The following CDH13 variants were observed in gnomAD, a reference collection of about 807,000 sequenced individuals.
CDH13 encodes the protein cadherin 13, also known as cadherin-13.
In CDH13, 24 loss-of-function variants were observed where a neutral mutation model predicts 63.8. The ratio of observed to expected loss-of-function variants is 0.38; its 90% confidence interval spans 0.27 to 0.53. The LOEUF (loss-of-function observed/expected upper bound fraction) is 0.53. CDH13 is among the 20% of genes least tolerant of loss of function. The pLI, the probability that CDH13 is intolerant of heterozygous loss-of-function variation, is 0.85. For missense variants in CDH13, 1,049 were observed against 903.1 expected (o/e 1.16, Z -2.07); for synonymous variants, 503 against 355.3 (o/e 1.42, Z -4.67).
intron 6 of CDH13, among the ~76,000 whole-genome samples, chr16:83,440,866 C>T (rs720202): frequency 0.45 from 67,658 of 150,918 alleles, 15,391 homozygotes; most frequent in South Asian, 0.58. Flanking sequence ...CTTAATTGTC[C>T]ACTTGGAGTG....
At chr16:83,532,402 C>T (rs948999684) in intron 7 of CDH13, among the ~76,000 whole-genome samples, 1 of 152,188 alleles carries the variant, frequency 6.6e-6, no homozygotes, top group Non-Finnish European at 1.5e-5. Flanking sequence ...GTTTAATGCC[C>T]AGCACCTGGA....
chr16:83,323,858 A>T (rs1035118128), intron 5 of CDH13, among the ~76,000 whole-genome samples: 2 of 152,078 alleles, frequency 1.3e-5, no homozygotes, highest in African/African-American at 4.8e-5. Context: ...CGAAAATTCA[A>T]ATCTGAGATA....
At chr16:83,250,095 C>G (rs1401560005) in intron 5 of CDH13, among the ~76,000 whole-genome samples, 1 of 151,994 alleles carries the variant, frequency 6.6e-6, no homozygotes, top group Non-Finnish European at 1.5e-5. Flanking sequence ...ATGACCATAC[C>G]CATGGGTGTC....
chr16:83,553,104 G>T (rs900812730), intron 7 of CDH13, among the ~76,000 whole-genome samples: 6 of 151,264 alleles, frequency 4.0e-5, no homozygotes, highest in African/African-American at 1.5e-4. Flanking sequence ...AGTGACTGTG[G>T]TTATTGTAAA....
At chr16:82,814,784 G>A (rs2055673075) in intron 1 of CDH13, among the ~76,000 whole-genome samples, 1 of 152,208 alleles carries the variant, frequency 6.6e-6, no homozygotes, top group South Asian at 2.1e-4. Context: ...TCAGTCAGAA[G>A]CACAGGCCAC....
intron 1 of CDH13, among the ~76,000 whole-genome samples, chr16:82,839,799 C>T (rs919162144): frequency 4.6e-5 from 7 of 152,216 alleles, no homozygotes; most frequent in Admixed American, 3.9e-4. Context: ...ATATTTTATA[C>T]TGCATAATTT....
intron 2 of CDH13, chr16:82,884,316 C>A: frequency 2.4e-6 from 1 of 422,728 alleles, no homozygotes; most frequent in Non-Finnish European, 4.7e-6. Flanking sequence ...GAAAAGGAGG[C>A]AACCTGGGGA....
intron 5 of CDH13, among the ~76,000 whole-genome samples, chr16:83,308,600 A>T (rs2089931826): frequency 6.6e-6 from 1 of 152,246 alleles, no homozygotes; most frequent in Non-Finnish European, 1.5e-5. Context: ...TGAAAACATT[A>T]GTGCTGAGCC....
intron 6 of CDH13, among the ~76,000 whole-genome samples, chr16:83,486,159 T>G (rs1313305087): frequency 8.8e-6 from 1 of 113,898 alleles, no homozygotes; most frequent in Non-Finnish European, 1.9e-5. Context: ...TGAATGTCCC[T>G]GTCACAAAGC....
At chr16:83,087,237 A>G (rs554961614) in intron 3 of CDH13, among the ~76,000 whole-genome samples, 1 of 152,306 alleles carries the variant, frequency 6.6e-6, no homozygotes, top group South Asian at 2.1e-4. Flanking sequence ...ATTTGACGTG[A>G]TAAAGTTTGC....
chr16:82,766,110 C>G (rs2035044551), intron 1 of CDH13, among the ~76,000 whole-genome samples: 1 of 152,214 alleles, frequency 6.6e-6, no homozygotes, highest in African/African-American at 2.4e-5. Flanking sequence ...CTCACCACCT[C>G]ACTTCTGTTT....
At chr16:82,907,262 C>T (rs780329509) in intron 2 of CDH13, among the ~76,000 whole-genome samples, 5 of 152,094 alleles carry the variant, frequency 3.3e-5, no homozygotes, top group East Asian at 1.9e-4. Context: ...GATATGTTTG[C>T]AGGAGGAAGG....
intron 2 of CDH13, among the ~76,000 whole-genome samples, chr16:82,975,070 G>C (rs180866315): frequency 1.3e-5 from 2 of 152,150 alleles, no homozygotes; most frequent in Non-Finnish European, 2.9e-5. Flanking sequence ...GGCCCAACTC[G>C]TCTTTCTGAT....
chr16:83,534,965 C>A (rs2075155601), intron 7 of CDH13, among the ~76,000 whole-genome samples: 1 of 152,216 alleles, frequency 6.6e-6, no homozygotes. Flanking sequence ...AAGAAAGCAA[C>A]AGCTCAGCTG....
chr16:83,463,290 A>C (rs532307177), intron 6 of CDH13, among the ~76,000 whole-genome samples: 16 of 152,344 alleles, frequency 1.1e-4, no homozygotes, highest in African/African-American at 3.6e-4. Context: ...TTATGCTGTC[A>C]TAGTAAAGTA....
chr16:83,247,452 G>C (rs1424896717), intron 5 of CDH13, among the ~76,000 whole-genome samples: 2 of 151,746 alleles, frequency 1.3e-5, no homozygotes, highest in Admixed American at 1.3e-4. Flanking sequence ...TTTTATTTCT[G>C]CTGAACTCTG....
intron 6 of CDH13, among the ~76,000 whole-genome samples, chr16:83,430,059 G>T (rs9937479): frequency 6.6e-6 from 1 of 151,906 alleles, no homozygotes; most frequent in Non-Finnish European, 1.5e-5. Context: ...ATGGGACACA[G>T]TATGGAGTTT....
chr16:83,055,606 A>G (rs1284445705), intron 3 of CDH13, among the ~76,000 whole-genome samples: 1 of 152,078 alleles, frequency 6.6e-6, no homozygotes, highest in Non-Finnish European at 1.5e-5. Context: ...TTATTAAATG[A>G]AAACTCTGTA....
intron 11 of CDH13, among the ~76,000 whole-genome samples, chr16:83,761,673 A>G (rs1022906472): frequency 6.6e-6 from 1 of 152,152 alleles, no homozygotes; most frequent in Non-Finnish European, 1.5e-5. Context: ...CTCCATTCAG[A>G]TTATAGTTCA....
Sources: gnomAD v4.1 joint callset for allele counts (sites outside exome capture counted in the v4.1 genomes callset) on GRCh38, gnomAD v4.1.1 for gene constraint, MANE v1.5 for transcripts, NCBI Gene and HGNC (gene_info 2026-07-23, HGNC 2026-07-21) for gene names.